PTK2: variants seen among roughly 807,000 people sequenced by gnomAD.
PTK2 encodes the protein focal adhesion kinase 1.
PTK2 carries 45 observed loss-of-function variants against 150.1 expected under a neutral mutation model. The observed-to-expected ratio is 0.30, with a 90% confidence interval of 0.24 to 0.38. PTK2 has a LOEUF of 0.38. Ranked by LOEUF, PTK2 falls within the 10% of genes least tolerant of loss-of-function variation. PTK2 has a pLI of 1.00. For missense variants in PTK2, 919 were observed against 1,307.3 expected (o/e 0.70, Z 4.58); for synonymous variants, 432 against 449.2 (o/e 0.96, Z 0.48).
chr8:140,670,057 C>T, intron 29 of PTK2: 1 of 286,748 alleles, frequency 3.5e-6, no homozygotes, highest in Non-Finnish European at 6.5e-6. Context: ...AATGAGAGCT[C>T]TTCAAAAAGA....
At chr8:140,745,981 C>CA (rs1269293664) in intron 18 of PTK2, among the ~76,000 whole-genome samples, 3 of 139,834 alleles carry the variant, frequency 2.1e-5, no homozygotes, top group Admixed American at 7.4e-5. Context: ...GCTTGGGCGA[C>CA]AGAGCGAGAC....
chr8:140,790,531 A>C (rs866423777), intron 13 of PTK2, among the ~76,000 whole-genome samples: 1 of 152,356 alleles, frequency 6.6e-6, no homozygotes, highest in Non-Finnish European at 1.5e-5. Context: ...CAGGTGTGGA[A>C]GTTTCCACTT....
intron 14 of PTK2, chr8:140,771,387 T>G (rs2100075418): frequency 6.6e-6 from 1 of 152,244 alleles, no homozygotes. Context: ...AAGCTCATTT[T>G]AGAGTCAAAA....
At chr8:140,989,345 G>T (rs1290182566) in intron 1 of PTK2, among the ~76,000 whole-genome samples, 1 of 151,144 alleles carries the variant, frequency 6.6e-6, no homozygotes, top group Non-Finnish European at 1.5e-5. Flanking sequence ...AGCGAGCTAT[G>T]ACTGCACCAC....
At chr8:140,885,890 G>A (rs145549189) in intron 3 of PTK2, among the ~76,000 whole-genome samples, 15 of 152,270 alleles carry the variant, frequency 9.9e-5, no homozygotes, top group African/African-American at 3.1e-4. Flanking sequence ...GAGTGGAGGA[G>A]TGAAGTGCTC....
intron 16 of PTK2, among the ~76,000 whole-genome samples, chr8:140,753,893 C>T (rs1246347844): frequency 6.6e-6 from 1 of 152,114 alleles, no homozygotes; most frequent in South Asian, 2.1e-4. Flanking sequence ...TTAATTAATG[C>T]TATTAATATA....
At chr8:140,909,361 G>A (rs1458523741) in intron 2 of PTK2, among the ~76,000 whole-genome samples, 1 of 152,110 alleles carries the variant, frequency 6.6e-6, no homozygotes, top group Admixed American at 6.5e-5. Flanking sequence ...CTTTCCATGA[G>A]TAAGACCCTA....
chr8:140,733,060 A>G (rs1206082446), intron 22 of PTK2, among the ~76,000 whole-genome samples: 2 of 152,232 alleles, frequency 1.3e-5, no homozygotes, highest in Non-Finnish European at 2.9e-5. Flanking sequence ...TGTTTTGACC[A>G]GGGGAGTTAT....
At chr8:140,781,321 T>G (rs2100081563) in intron 14 of PTK2, among the ~76,000 whole-genome samples, 1 of 152,234 alleles carries the variant, frequency 6.6e-6, no homozygotes, top group Admixed American at 6.5e-5. Flanking sequence ...TTGAGAAGTT[T>G]ATTAATTATT....
chr8:140,704,431 T>C (rs1362117344), intron 24 of PTK2, among the ~76,000 whole-genome samples: 1 of 152,214 alleles, frequency 6.6e-6, no homozygotes, highest in Non-Finnish European at 1.5e-5. Flanking sequence ...GGGCTTCCAC[T>C]GCACTGGTGA....
intron 7 of PTK2, among the ~76,000 whole-genome samples, chr8:140,832,518 G>A (rs2154603067): frequency 6.6e-6 from 1 of 152,256 alleles, no homozygotes; most frequent in African/African-American, 2.4e-5. Context: ...GAATGTGAAG[G>A]GGGCAGTTTC....
intron 4 of PTK2, chr8:140,879,167 A>G (rs2100147466): frequency 4.6e-6 from 1 of 216,862 alleles, no homozygotes; most frequent in Non-Finnish European, 9.1e-6. Context: ...ACATATATAT[A>G]TGATTTGAGT....
exon 5 of PTK2, chr8:140,864,390 C>A: frequency 1.3e-6 from 2 of 1,557,800 alleles, no homozygotes; most frequent in South Asian, 2.3e-5. Context: ...AACGAATTCT[C>A]AATTCATATC....
intron 27 of PTK2, among the ~76,000 whole-genome samples, chr8:140,677,811 ATCAT>A (rs1220432096): frequency 6.6e-6 from 1 of 152,228 alleles, no homozygotes; most frequent in Non-Finnish European, 1.5e-5. Context: ...TCACTATCAT[ATCAT>A]TCATTTGTTC....
At chr8:140,905,188 T>C (rs2100160356) in intron 2 of PTK2, among the ~76,000 whole-genome samples, 1 of 152,086 alleles carries the variant, frequency 6.6e-6, no homozygotes, top group Non-Finnish European at 1.5e-5. Context: ...TAACTTTAAA[T>C]GTAAGTGTGC....
intron 2 of PTK2, among the ~76,000 whole-genome samples, chr8:140,899,119 G>T (rs1568440681): frequency 6.6e-6 from 1 of 152,096 alleles, no homozygotes; most frequent in Admixed American, 6.5e-5. Flanking sequence ...CAGCTAACAT[G>T]AAATTACTTA....
intron 14 of PTK2, among the ~76,000 whole-genome samples, chr8:140,779,313 A>G (rs1471598166): frequency 6.6e-6 from 1 of 152,016 alleles, no homozygotes; most frequent in African/African-American, 2.4e-5. Flanking sequence ...GAATATTGAA[A>G]TCCTCCCAAA....
chr8:140,691,218 T>C (rs1728485625), intron 26 of PTK2, among the ~76,000 whole-genome samples: 1 of 151,614 alleles, frequency 6.6e-6, no homozygotes, highest in Admixed American at 6.6e-5. Context: ...CTCACTATGT[T>C]ATCCAGGCTG....
upstream of PTK2, chr8:141,001,445 T>G (rs567570687): frequency 4.1e-4 from 62 of 151,850 alleles, no homozygotes; most frequent in African/African-American, 1.1e-3. Flanking sequence ...CGCTAGGCTC[T>G]GCTCGCGTAA....
Sources: gnomAD v4.1 joint callset for allele counts (sites outside exome capture counted in the v4.1 genomes callset) on GRCh38, gnomAD v4.1.1 for gene constraint, MANE v1.5 for transcripts, NCBI Gene and HGNC (gene_info 2026-07-23, HGNC 2026-07-21) for gene names.